The following RASAL1 variants were observed in gnomAD, a reference collection of about 807,000 sequenced individuals.
RASAL1 encodes the protein rasGAP-activating-like protein 1.
RASAL1 carries 72 observed loss-of-function variants against 96.6 expected under a neutral mutation model. The observed-to-expected ratio is 0.75, with a 90% CI of 0.62 to 0.91. The LOEUF (loss-of-function observed/expected upper bound fraction) is 0.91. Among genes scored for constraint, RASAL1 ranks in the 40% least tolerant of loss-of-function variants. The probability of loss-of-function intolerance (pLI) is 0.00; values close to 1 mark genes in which losing one functional copy is unlikely to be tolerated. For missense variants in RASAL1, 1,016 were observed against 1,072.5 expected (o/e 0.95, Z 0.74); for synonymous variants, 405 against 430.4 (o/e 0.94, Z 0.73).
At chr12:113,110,441 G>C (rs965811072) in intron 13 of RASAL1, among the ~76,000 whole-genome samples, 8 of 152,184 alleles carry the variant, frequency 5.3e-5, no homozygotes, top group Admixed American at 5.2e-4. Context: ...TCAGCACTAC[G>C]TAAGAGTTCA....
intron 7 of RASAL1, among the ~76,000 whole-genome samples, chr12:113,118,881 C>T (rs1047659193): frequency 4.6e-5 from 7 of 152,204 alleles, no homozygotes; most frequent in African/African-American, 1.4e-4. Context: ...GTCATGCTCT[C>T]ATCCCAGAAT....
intron 13 of RASAL1, among the ~76,000 whole-genome samples, chr12:113,109,048 T>A (rs1439754155): frequency 1.1e-4 from 16 of 147,212 alleles, no homozygotes; most frequent in African/African-American, 4.1e-4. Context: ...TGTGTGTTTT[T>A]TTTTTTTTTT....
chr12:113,117,010 C>A, intron 8 of RASAL1, 63 bp downstream of exon 8: 1 of 1,376,270 alleles, frequency 7.3e-7, no homozygotes, highest in Non-Finnish European at 1.0e-6. Flanking sequence ...GCTCTGCCCG[C>A]AAGCTGTGGA....
chr12:113,111,994 T>C, intron 13 of RASAL1, 92 bp downstream of exon 13: 1 of 1,125,718 alleles, frequency 8.9e-7, no homozygotes, highest in Non-Finnish European at 1.1e-6. Context: ...GCCGGCAGCC[T>C]AGGTTCTGGT....
intron 13 of RASAL1, among the ~76,000 whole-genome samples, chr12:113,110,005 C>G (rs149432377): frequency 2.0e-5 from 3 of 152,346 alleles, no homozygotes; most frequent in African/African-American, 7.2e-5. Flanking sequence ...AACTAGAGGA[C>G]ACTTGGGTGT....
chr12:113,106,276 G>T (rs1462562049), intron 15 of RASAL1, among the ~76,000 whole-genome samples: 1 of 152,110 alleles, frequency 6.6e-6, no homozygotes, highest in Admixed American at 6.6e-5. Flanking sequence ...GCCACAGCCA[G>T]GTTCTACGTT....
At chr12:113,121,762 C>T (rs1256520322) in intron 4 of RASAL1, 124 bp from the exon 5 acceptor site, 5 of 1,194,402 alleles carry the variant, frequency 4.2e-6, no homozygotes, top group Non-Finnish European at 5.8e-6. Context: ...GGTTCTGTTG[C>T]CCAGGCTGGA....
intron 1 of RASAL1, among the ~76,000 whole-genome samples, chr12:113,131,900 C>T (rs1021844229): frequency 1.3e-5 from 2 of 152,090 alleles, no homozygotes; most frequent in Non-Finnish European, 2.9e-5. Context: ...AGAGGCTGTC[C>T]CTGGCCACCA....
chr12:113,123,906 A>T (rs1951389932), intron 4 of RASAL1, among the ~76,000 whole-genome samples: 1 of 152,130 alleles, frequency 6.6e-6, no homozygotes. Flanking sequence ...TGGAAAAAAT[A>T]CTGAGGGATT....
At chr12:113,107,774 G>A (rs1950704349) in intron 14 of RASAL1, among the ~76,000 whole-genome samples, 2 of 120,694 alleles carry the variant, frequency 1.7e-5, no homozygotes, top group Admixed American at 8.1e-5. Flanking sequence ...TCCTACCATG[G>A]TACTCTCATG....
chr12:113,132,675 A>G (rs899319887), intron 1 of RASAL1, among the ~76,000 whole-genome samples: 2 of 152,062 alleles, frequency 1.3e-5, no homozygotes, highest in African/African-American at 4.8e-5. Context: ...GTTGCCTCCA[A>G]CCTGAACCTA....
intron 20 of RASAL1, 28 bp from the exon 21 acceptor site, chr12:113,100,096 G>T (rs768620397): frequency 6.4e-7 from 1 of 1,566,996 alleles, no homozygotes; most frequent in Non-Finnish European, 8.7e-7. Context: ...GGCCACAGGG[G>T]CTCAGCCAGT....
chr12:113,129,936 GT>G lies in RASAL1; in HGVS notation c.122+948del, dbSNP rs1951638295. On this transcript the variant is annotated intron_variant, in intron 2 of 20. Coordinates refer to ENST00000548055, the MANE Select transcript of RASAL1 (RefSeq NM_001301202.2). The surrounding 1 kb of genome is among the most constrained non-coding windows in gnomAD (Gnocchi z 5.0). ...CTGGGGTCACACAGAAAATCAATCT[GT>G]GGGTTTGGGGTGGTGTCAGGGAATG... 1.3e-5 allele frequency among the ~76,000 whole-genome samples: 2 copies of G among 152,206 alleles called. No homozygotes were observed. Among genetic ancestry groups the G allele is most frequent in the African/African-American group, 4.8e-5 (2 of 41,454 alleles).
chr12:113,111,090 C>T (rs1337736749), intron 13 of RASAL1, among the ~76,000 whole-genome samples: 1 of 149,202 alleles, frequency 6.7e-6, no homozygotes, highest in Non-Finnish European at 1.5e-5. Context: ...TACCACCCCA[C>T]GCGCTGCTTG....
In RASAL1 at chr12:113,128,060, C is replaced by A; in HGVS notation, c.236+5G>T. 1 of 1,613,644 alleles carries A rather than the reference C, an allele frequency of 6.2e-7. No individual in the cohort carries two copies. On this transcript the variant is annotated splice_donor_5th_base_variant and intron_variant, in intron 3 of 20. Coordinates refer to ENST00000548055, the MANE Select transcript of RASAL1 (RefSeq NM_001301202.2). ...CCACACATTCCACTTTCCCCAACCA[C>A]AAACCCGACAGTGTCCTCATCCAGC...
Position 113,130,953 on chromosome 12 carries a change from G to A in RASAL1, c.66-12C>T, listed in dbSNP as rs1341618868. 10 of 1,610,806 alleles carry A rather than the reference G, an allele frequency of 6.2e-6. No homozygotes were observed. In the Middle Eastern group the frequency reaches 6.6e-4, roughly 106 times the overall value. ...CGCTGCTCCCAGACCTGCAGAAGGA[G>A]GGAGTTCAGGGAGGAAGCAGGTTGA... On this transcript the variant is annotated splice_polypyrimidine_tract_variant and intron_variant, in intron 1 of 20. Coordinates refer to ENST00000548055, the MANE Select transcript of RASAL1 (RefSeq NM_001301202.2). This position sits in a 1 kb window ranked among gnomAD's most constrained non-coding sequence, Gnocchi z 5.1.
chr12:113,108,266 T>C (rs1950722557), intron 13 of RASAL1, 44 bp from the exon 14 acceptor site: 2 of 1,570,738 alleles, frequency 1.3e-6, no homozygotes, highest in East Asian at 4.7e-5. Flanking sequence ...CCAAACCCAC[T>C]TCTCAGCTGC....
At chr12:113,108,870 T>C (rs1327584130) in intron 13 of RASAL1, among the ~76,000 whole-genome samples, 5 of 149,206 alleles carry the variant, frequency 3.4e-5, no homozygotes, top group African/African-American at 9.9e-5. Context: ...AGTCTTGCTC[T>C]GTTGTTCAGG....
At chr12:113,134,148 G>C (rs552115932) in intron 1 of RASAL1, among the ~76,000 whole-genome samples, 2 of 151,846 alleles carry the variant, frequency 1.3e-5, no homozygotes, top group South Asian at 4.2e-4. Context: ...AGAGTCTGGT[G>C]GGGGGGCTTG....
Sources: allele counts gnomAD v4.1 joint callset (sites outside exome capture counted in the v4.1 genomes callset), GRCh38; gene constraint gnomAD v4.1.1; non-coding constraint Gnocchi (gnomAD v3.1); transcripts MANE v1.5; gene names NCBI Gene and HGNC (gene_info 2026-07-23, HGNC 2026-07-21).